RAB27B: variants seen among roughly 807,000 people sequenced by gnomAD.
RAB27B encodes RAB27B, member RAS oncogene family.
Under a neutral mutation model 24.6 loss-of-function variants are expected in RAB27B, and 15 were observed. The observed-to-expected ratio is 0.61, with a 90% CI of 0.41 to 0.94. RAB27B has a LOEUF of 0.94. Ranked by LOEUF, RAB27B falls within the 40% of genes least tolerant of loss-of-function variation. The probability of loss-of-function intolerance (pLI) is 0.00; values close to 1 mark genes in which losing one functional copy is unlikely to be tolerated. For synonymous variants in RAB27B, 105 were observed against 92.5 expected, an observed-to-expected ratio of 1.14 and a Z score of -0.78; for missense variants, 261 against 266.8, an observed-to-expected ratio of 0.98 and a Z score of 0.15.
chr18:54,876,676 C>T (rs1309234900), intron 1 of RAB27B, among the ~76,000 whole-genome samples: 1 of 151,932 alleles, frequency 6.6e-6, no homozygotes, highest in Non-Finnish European at 1.5e-5. Context: ...TAAAGCTTGT[C>T]ATGTCAGTTG....
chr18:54,768,666 T>C (rs1019611258), intron 2 of RAB27B, among the ~76,000 whole-genome samples: 4 of 152,190 alleles, frequency 2.6e-5, no homozygotes, highest in South Asian at 2.1e-4. Flanking sequence ...AGAGGTTTAA[T>C]TGACTCACAG....
chr18:54,722,933 C>T (rs192801331), intron 2 of RAB27B, among the ~76,000 whole-genome samples: 64 of 152,282 alleles, frequency 4.2e-4, no homozygotes, highest in African/African-American at 1.4e-3. Flanking sequence ...TTTGAAGCTA[C>T]TTTATCAAAC....
At chr18:54,764,339 T>C (rs542438933) in intron 2 of RAB27B, among the ~76,000 whole-genome samples, 1 of 152,320 alleles carries the variant, frequency 6.6e-6, no homozygotes, top group Non-Finnish European at 1.5e-5. Flanking sequence ...GACCAGACTT[T>C]GTAATTCAAT....
At chr18:54,882,914 T>G (rs1912984677) in intron 3 of RAB27B, among the ~76,000 whole-genome samples, 1 of 151,982 alleles carries the variant, frequency 6.6e-6, no homozygotes, top group African/African-American at 2.4e-5. Flanking sequence ...AGGAGTAGGG[T>G]CCCAAACAAA....
intron 2 of RAB27B, among the ~76,000 whole-genome samples, chr18:54,790,074 G>T (rs1028505204): frequency 6.6e-6 from 1 of 151,942 alleles, no homozygotes; most frequent in Non-Finnish European, 1.5e-5. Context: ...TAATGAAGTT[G>T]AGCAATGAAT....
In RAB27B at chr18:54,889,554, C is replaced by T. The variant is rs1913284965; in HGVS notation, c.*141C>T. ...CTGCCAGAAAATCTATTTTAAGAAA[C>T]CAGAATAGTCAACAGTGTTCAAAAG... On this transcript the variant is annotated 3_prime_UTR_variant, in exon 6 of 6. Transcript: ENST00000262094. 2 of 786,296 alleles carry T rather than the reference C, an allele frequency of 2.5e-6. No individual in the cohort carries two copies. Among genetic ancestry groups the T allele is most frequent in the African/African-American group, 3.5e-5 (2 of 56,734 alleles). The allele number at this position is 786,296 out of a possible 1,614,324, so 48.7% of individuals were successfully genotyped here. A position where few individuals can be genotyped will look rare whatever the true frequency, so the allele number is the denominator to read the frequency against.
chr18:54,792,892 G>T (rs543019157), intron 2 of RAB27B, among the ~76,000 whole-genome samples: 1 of 152,236 alleles, frequency 6.6e-6, no homozygotes, highest in Admixed American at 6.5e-5. Flanking sequence ...TAATACAGTC[G>T]TTCCTCAGTT....
chr18:54,802,215 C>A (rs962094399), intron 2 of RAB27B, among the ~76,000 whole-genome samples: 1 of 152,176 alleles, frequency 6.6e-6, no homozygotes, highest in Non-Finnish European at 1.5e-5. Context: ...AAAACACACA[C>A]CCCTGTGATA....
At chr18:54,853,537 G>A (rs1373133438) in intron 1 of RAB27B, among the ~76,000 whole-genome samples, 1 of 152,128 alleles carries the variant, frequency 6.6e-6, no homozygotes. Context: ...ACAGCAACAA[G>A]GAAATTGTAA....
intron 2 of RAB27B, chr18:54,744,697 C>T (rs1482623050): frequency 1.3e-5 from 2 of 152,416 alleles, no homozygotes; most frequent in Non-Finnish European, 2.9e-5. Context: ...AGAGAGGGTC[C>T]ATATGACATT....
At chr18:54,886,681 G>A (rs1181102364) in intron 4 of RAB27B, among the ~76,000 whole-genome samples, 1 of 152,022 alleles carries the variant, frequency 6.6e-6, no homozygotes, top group Non-Finnish European at 1.5e-5. Context: ...AATTCTTTCA[G>A]AGAATGGTTT....
intron 3 of RAB27B, among the ~76,000 whole-genome samples, chr18:54,882,467 C>T (rs1296831140): frequency 1.3e-5 from 2 of 152,128 alleles, no homozygotes; most frequent in Admixed American, 1.3e-4. Context: ...AGGATACTAA[C>T]AGGAAAACAA....
At chr18:54,728,320 T>C (rs1369667953) in intron 2 of RAB27B, among the ~76,000 whole-genome samples, 2 of 151,978 alleles carry the variant, frequency 1.3e-5, no homozygotes, top group Admixed American at 6.6e-5. Context: ...GGGGGTGGCG[T>C]TGGGGATGGC....
intron 1 of RAB27B, among the ~76,000 whole-genome samples, chr18:54,869,862 G>A (rs899875318): frequency 2.0e-5 from 3 of 152,074 alleles, no homozygotes; most frequent in Non-Finnish European, 4.4e-5. Flanking sequence ...AAGTACATTT[G>A]AATTCCTAGA....
intron 2 of RAB27B, among the ~76,000 whole-genome samples, chr18:54,719,836 T>A (rs984578938): frequency 1.3e-5 from 2 of 152,112 alleles, no homozygotes; most frequent in African/African-American, 4.8e-5. Flanking sequence ...TAAAACTTAG[T>A]TTTGAAAATT....
At chr18:54,721,910 C>T (rs1184056476) in intron 2 of RAB27B, among the ~76,000 whole-genome samples, 1 of 152,148 alleles carries the variant, frequency 6.6e-6, no homozygotes, top group African/African-American at 2.4e-5. Context: ...CACGGTGCTA[C>T]AACAGCAAGT....
intron 1 of RAB27B, among the ~76,000 whole-genome samples, chr18:54,835,799 A>G (rs2145192080): frequency 6.6e-6 from 1 of 152,112 alleles, no homozygotes; most frequent in East Asian, 1.9e-4. Context: ...CCATCATCAG[A>G]TGCTACTTAT....
intron 2 of RAB27B, among the ~76,000 whole-genome samples, chr18:54,878,125 G>T (rs541938850): frequency 2.6e-5 from 4 of 152,276 alleles, no homozygotes; most frequent in African/African-American, 9.6e-5. Context: ...TAAGAAAGAA[G>T]TTAAAAGTAT....
At chr18:54,834,331 A>C (rs1833283) in intron 1 of RAB27B, among the ~76,000 whole-genome samples, 12 of 152,096 alleles carry the variant, frequency 7.9e-5, no homozygotes, top group Admixed American at 5.9e-4. Context: ...GGTGGGATTT[A>C]AATCAAACCA....
Sources: gnomAD v4.1 joint callset for allele counts (sites outside exome capture counted in the v4.1 genomes callset) on GRCh38, gnomAD v4.1.1 for gene constraint, MANE v1.5 for transcripts, NCBI Gene and HGNC (gene_info 2026-07-23, HGNC 2026-07-21) for gene names.